The following CALB2 variants were observed in gnomAD, a reference collection of about 807,000 sequenced individuals.
The protein encoded by CALB2 is calretinin.
Under a neutral mutation model 45.9 loss-of-function variants are expected in CALB2, and 34 were observed. The observed-to-expected ratio is 0.74, with a 90% CI of 0.56 to 0.99. The LOEUF is 0.99. CALB2 is among the 50% of genes least tolerant of loss of function. The pLI is 0.00. For missense variants in CALB2, 344 were observed against 339.3 expected, an observed-to-expected ratio of 1.01 and a Z score of -0.11; for synonymous variants, 142 against 129.6, an observed-to-expected ratio of 1.10 and a Z score of -0.65.
chr16:71,376,484 T>G (rs979700799), intron 3 of CALB2, among the ~76,000 whole-genome samples: 1 of 152,068 alleles, frequency 6.6e-6, no homozygotes, highest in African/African-American at 2.4e-5. Context: ...TACACCCACA[T>G]GCATCCACAT....
At chr16:71,380,411 C>T (rs188025956) in intron 4 of CALB2, among the ~76,000 whole-genome samples, 1 of 140,850 alleles carries the variant, frequency 7.1e-6, no homozygotes, top group Non-Finnish European at 1.5e-5. Flanking sequence ...CGGGTTCAAG[C>T]GATTCTCCTG....
At chr16:71,376,771 A>G (rs1463544521) in intron 3 of CALB2, among the ~76,000 whole-genome samples, 1 of 146,402 alleles carries the variant, frequency 6.8e-6, no homozygotes, top group Non-Finnish European at 1.5e-5. Flanking sequence ...ACATATATCT[A>G]CATGCAACCA....
At chr16:71,367,637 T>C (rs2042303529) in intron 1 of CALB2, among the ~76,000 whole-genome samples, 1 of 152,168 alleles carries the variant, frequency 6.6e-6, no homozygotes, top group South Asian at 2.1e-4. Flanking sequence ...TGCCTGCCTC[T>C]CCCAGGCTGA....
chr16:71,366,024 C>CTCTTTTTTTTTTTT (rs1567534845), intron 1 of CALB2, among the ~76,000 whole-genome samples: 3 of 45,066 alleles, frequency 6.7e-5, no homozygotes, highest in African/African-American at 1.9e-4. Flanking sequence ...CTCTCTCTCT[C>CTCTTTTTTTTTTTT]TTTTTTTTTT....
intron 10 of CALB2, among the ~76,000 whole-genome samples, chr16:71,388,422 T>G (rs1245370706): frequency 6.6e-6 from 1 of 151,618 alleles, no homozygotes; most frequent in African/African-American, 2.4e-5. Context: ...AAGAAAAGGT[T>G]GTTTAAGTCA....
At chr16:71,374,300 G>A (rs1441184031) in intron 2 of CALB2, among the ~76,000 whole-genome samples, 3 of 152,170 alleles carry the variant, frequency 2.0e-5, no homozygotes, top group South Asian at 2.1e-4. Flanking sequence ...AGTCTTTAAA[G>A]AAAATGAGCA....
intron 8 of CALB2, 75 bp downstream of exon 8, chr16:71,384,453 G>C (rs1459970550): frequency 4.1e-5 from 43 of 1,037,862 alleles, no homozygotes; most frequent in Non-Finnish European, 4.6e-5. Context: ...TTCCCCCAAC[G>C]CACCACACAC....
At chr16:71,383,556 G>T in intron 6 of CALB2, 112 bp downstream of exon 6, 1 of 918,222 alleles carries the variant, frequency 1.1e-6, no homozygotes, top group Middle Eastern at 3.1e-4. Context: ...CCCAAGGGAA[G>T]TGATTCACAG....
chr16:71,366,022 CTCTTTTTT>C (rs1472770708), intron 1 of CALB2, among the ~76,000 whole-genome samples: 1 of 50,552 alleles, frequency 2.0e-5, no homozygotes, highest in Non-Finnish European at 3.4e-5. Context: ...CCCTCTCTCT[CTCTTTTTT>C]TTTTTTTTTT....
intron 1 of CALB2, among the ~76,000 whole-genome samples, chr16:71,364,792 C>T (rs979037434): frequency 6.6e-6 from 1 of 152,156 alleles, no homozygotes; most frequent in Admixed American, 6.5e-5. Context: ...CACTCTGGGG[C>T]TTATTCTTTT....
intron 1 of CALB2, among the ~76,000 whole-genome samples, chr16:71,366,677 G>A (rs2042292092): frequency 6.6e-6 from 1 of 152,078 alleles, no homozygotes; most frequent in Non-Finnish European, 1.5e-5. Flanking sequence ...AACTCTTCAG[G>A]CTAACGGGTT....
Position 71,387,802 on chromosome 16 carries a change from G to A in CALB2, c.700-1947G>A, listed in dbSNP as rs533216578. On this transcript the variant is annotated intron_variant, in intron 10 of 10. Coordinates refer to ENST00000302628, the MANE Select transcript of CALB2 (RefSeq NM_001740.5). ...TAAGTGGCAGATATCTCAGGTGCACGCCAGTGTTATGTGACATTTCCAAGA... is the reference window on the plus strand; with the variant it reads ...TAAGTGGCAGATATCTCAGGTGCACACCAGTGTTATGTGACATTTCCAAGA... Among the ~76,000 whole-genome samples, 61 of 152,310 alleles carry A rather than the reference G, an allele frequency of 4.0e-4. No homozygotes were observed. The Middle Eastern group carries it at 0.037, about 93-fold the overall frequency.
intron 1 of CALB2, 98 bp from the exon 2 acceptor site, chr16:71,372,055 C>G (rs1349592968): frequency 2.3e-6 from 2 of 869,358 alleles, no homozygotes; most frequent in Non-Finnish European, 3.8e-6. Context: ...TGTTGGCCAG[C>G]TGGGAGAAGA....
rs1017284020 is a variant in CALB2, at chr16:71,384,923, G to A, written c.627+87G>A. 1,019 of 1,154,796 alleles carry A rather than the reference G, an allele frequency of 8.8e-4. 2 individuals carry two copies. The highest frequency in any genetic ancestry group is 1.2e-3 in the Middle Eastern group (5 of 4,274). 71.5% of individuals were successfully genotyped at this position (1,154,796 alleles called of 1,614,324 possible). On this transcript the variant is annotated intron_variant, in intron 9 of 10. Coordinates refer to ENST00000302628, the MANE Select transcript of CALB2 (RefSeq NM_001740.5). The stretch of plus-strand genomic sequence containing the variant: ...TCAGCTTCATCCCTGGGAAGAGACA[G>A]CTTTCCAGGGGTGGCCTGGGCCGTG...
At chr16:71,365,872 C>G (rs902077352) in intron 1 of CALB2, among the ~76,000 whole-genome samples, 2 of 151,848 alleles carry the variant, frequency 1.3e-5, no homozygotes, top group Non-Finnish European at 2.9e-5. Context: ...GAAAACACCC[C>G]CTTCCCCCCA....
rs751879407 is a variant in CALB2 at position 71,383,998 on chromosome 16, G to A, written c.506G>A (p.Gly169Asp). ...ILRMFDLNGD[G>D]KLGLSEMSRL... ...CGGATGTTTGACTTGAACGGGGATG[G>A]CAAATTGGGCCTCTCAGAGATGTCC... The change falls in exon 7 of 11, where the codon GGC (glycine) becomes GAC (aspartate). Residue 169 changes from glycine (G) to aspartate (D), a missense_variant. Physicochemically the swap from Gly to Asp is moderately conservative, Grantham distance 94. This residue lies in a region of CALB2 where 263 missense variants were observed against 241.7 expected (regional missense o/e 1.09). Transcript: ENST00000302628. The A allele has an allele frequency of 1.9e-6, 3 of 1,613,764 alleles. No homozygotes were observed. The African/African-American group carries it at 4.0e-5, about 22-fold the overall frequency.
chr16:71,372,125 G>C (rs781460246), intron 1 of CALB2, 28 bp from the exon 2 acceptor site: 1 of 1,514,896 alleles, frequency 6.6e-7, no homozygotes, highest in Non-Finnish European at 9.2e-7. Context: ...TTAGTGCTGA[G>C]ATTGATTTTT....
intron 2 of CALB2, among the ~76,000 whole-genome samples, chr16:71,374,117 A>G (rs1395254974): frequency 1.3e-5 from 2 of 152,238 alleles, no homozygotes; most frequent in East Asian, 3.8e-4. Flanking sequence ...CTTCAAGTCT[A>G]TATTTAAGAT....
At chr16:71,363,974 C>G (rs28680662) in intron 1 of CALB2, among the ~76,000 whole-genome samples, 2 of 152,096 alleles carry the variant, frequency 1.3e-5, no homozygotes, top group African/African-American at 4.8e-5. Flanking sequence ...ATATGAGGCT[C>G]TCAGGGAACA....
Sources: gnomAD v4.1 joint callset for allele counts (sites outside exome capture counted in the v4.1 genomes callset) on GRCh38, gnomAD v4.1.1 for gene constraint, gnomAD v4.1.1 regional missense constraint, MANE v1.5 for transcripts, NCBI Gene and HGNC (gene_info 2026-07-23, HGNC 2026-07-21) for gene names.